MICAL3: variants seen among roughly 807,000 people sequenced by gnomAD.
MICAL3 encodes [F-actin]-monooxygenase MICAL3.
Under a neutral mutation model 207.4 loss-of-function variants are expected in MICAL3, and 62 were observed. The observed-to-expected ratio is 0.30, with a 90% confidence interval of 0.24 to 0.37. The LOEUF is 0.37. MICAL3 is among the 10% of genes least tolerant of loss of function. MICAL3 has a pLI of 1.00. For synonymous variants in MICAL3, 1,077 were observed against 1,069.3 expected, an observed-to-expected ratio of 1.01 and a Z score of -0.14; for missense variants, 2,368 against 2,635.6, an observed-to-expected ratio of 0.90 and a Z score of 2.22.
intron 1 of MICAL3, among the ~76,000 whole-genome samples, chr22:17,951,342 A>C (rs971871299): frequency 3.9e-5 from 6 of 152,158 alleles, no homozygotes; most frequent in African/African-American, 1.4e-4. Context: ...TACAAAATGC[A>C]AACTATGACC....
chr22:17,928,007 G>A (rs1190806037), intron 1 of MICAL3, among the ~76,000 whole-genome samples: 3 of 152,206 alleles, frequency 2.0e-5, no homozygotes, highest in Non-Finnish European at 4.4e-5. Flanking sequence ...GCTTCTGACT[G>A]TATACTCTGA....
At position 17,816,741 on chromosome 22, in the gene MICAL3, G is replaced by A; in HGVS notation, c.5394C>T (p.Asp1798=). ...TCTCAAGGACATCGTCGCTGGAGAGGTCTGAGTCCTCGGAGAAGCTCAGCT... is the reference window on the plus strand; with the variant it reads ...TCTCAAGGACATCGTCGCTGGAGAGATCTGAGTCCTCGGAGAAGCTCAGCT... ...RRQLSFSEDS[D]LSSDDVLEKS... Residue 1798 remains aspartate, a synonymous_variant, in exon 27 of 32, where the codon GAC becomes GAT. Coordinates refer to ENST00000441493, the MANE Select transcript of MICAL3 (RefSeq NM_015241.3). 3 of 1,552,312 alleles carry A rather than the reference G, an allele frequency of 1.9e-6. No homozygotes were observed. Among genetic ancestry groups the A allele is most frequent in the Non-Finnish European group, 2.6e-6 (3 of 1,147,702 alleles).
chr22:17,810,229 A>AT lies in MICAL3; in HGVS notation c.5556+473dup, dbSNP rs553172081. On this transcript the variant is annotated intron_variant, in intron 28 of 31. Coordinates refer to ENST00000441493, the MANE Select transcript of MICAL3 (RefSeq NM_015241.3). Reference sequence around the variant, plus strand: ...AGGCACTTGCCACCACGCCTGGCTAATTTTTTGTATTTTTAGTAGAGACGG... The same window carrying AT: ...AGGCACTTGCCACCACGCCTGGCTAATTTTTTTGTATTTTTAGTAGAGACGG... Among the ~76,000 whole-genome samples, 502 of 151,604 alleles carry AT rather than the reference A, an allele frequency of 3.3e-3. 1 individual carries two copies. Among genetic ancestry groups the AT allele is most frequent in the Admixed American group, 5.2e-3 (79 of 15,234 alleles).
At chr22:17,879,400 T>C in intron 16 of MICAL3, 4 of 1,612,096 alleles carry the variant, frequency 2.5e-6, no homozygotes, top group Non-Finnish European at 3.4e-6. Flanking sequence ...GATCCCTGTA[T>C]GTCTGTTGGC....
Position 17,887,358 on chromosome 22 carries a change from G to A in MICAL3, c.1969C>T (p.Leu657Phe), listed in dbSNP as rs562541924. 2.2e-5 allele frequency: 36 copies of A among 1,613,994 alleles called. No individual in the cohort carries two copies. In the South Asian group the frequency reaches 3.4e-4, roughly 15 times the overall value. ...CGCTTCCGAGAGATGGTCTGGCCAA[G>A]TTTGCTTAGGAAGGAGATAGGGGAT... ...TRSPISFLSK[L>F]GQTISRKRSP... is the part of the protein sequence containing the mutation. Residue 657 changes from leucine (L) to phenylalanine (F), a missense_variant, in exon 14 of 32, where the codon CTT (leucine) becomes TTT (phenylalanine). By Grantham distance (22) the Leu-to-Phe change is conservative. Around this residue, in one of 4 missense-constraint regions of MICAL3, gnomAD observed 1,770 missense variants for 1,863.2 expected, o/e 0.95. Transcript: ENST00000441493.
At chr22:17,946,670 A>G (rs1011254126) in intron 1 of MICAL3, among the ~76,000 whole-genome samples, 4 of 152,190 alleles carry the variant, frequency 2.6e-5, no homozygotes, top group African/African-American at 4.8e-5. Context: ...GATTGGGGAA[A>G]GTTCCTCTTA....
chr22:17,860,351 G>A (rs1020807288), intron 19 of MICAL3: 108 of 985,328 alleles, frequency 1.1e-4, no homozygotes, highest in Non-Finnish European at 1.3e-4. Context: ...GAAGTGGAGA[G>A]AAGGCGGGCA....
chr22:17,842,149 G>T, intron 19 of MICAL3, 132 bp from the exon 20 acceptor site: 2 of 832,312 alleles, frequency 2.4e-6, no homozygotes, highest in Non-Finnish European at 3.7e-6. Flanking sequence ...CATTTGCAGA[G>T]TTGCCAGAGG....
At chr22:17,893,567 G>A (rs1001418294) in intron 11 of MICAL3, among the ~76,000 whole-genome samples, 8 of 152,098 alleles carry the variant, frequency 5.3e-5, no homozygotes, top group South Asian at 2.1e-4. Flanking sequence ...GGCCTGTCTC[G>A]TGCACTGCGG....
At chr22:17,939,981 C>A (rs1192178324) in intron 1 of MICAL3, among the ~76,000 whole-genome samples, 1 of 152,164 alleles carries the variant, frequency 6.6e-6, no homozygotes, top group Non-Finnish European at 1.5e-5. Context: ...TACTAATAAT[C>A]CCCTAGAGTC....
chr22:17,989,267 T>C (rs372946756), intron 1 of MICAL3, among the ~76,000 whole-genome samples: 2 of 152,216 alleles, frequency 1.3e-5, no homozygotes, highest in South Asian at 2.1e-4. Flanking sequence ...TGCCGCTACC[T>C]TACCTTGCCC....
chr22:17,861,923 G>T (rs1926560390), intron 19 of MICAL3: 4 of 985,366 alleles, frequency 4.1e-6, no homozygotes, highest in Non-Finnish European at 4.8e-6. Context: ...TTGGGTGTGG[G>T]TGTGTTTTTT....
rs751829376 is a variant in MICAL3, at chr22:17,906,834, C to A, written c.-22G>T. On this transcript the variant is annotated 5_prime_UTR_variant, in exon 2 of 32. Coordinates refer to ENST00000441493, the MANE Select transcript of MICAL3 (RefSeq NM_015241.3). ...CCATGCTGCCTCACTCTCAGCACTC[C>A]CCAGAGGGGGAGGTGGGATGGCTGT... is the stretch of plus-strand genomic sequence containing the variant. The A allele has an allele frequency of 3.2e-6, 5 of 1,556,214 alleles. No homozygotes were observed. Among genetic ancestry groups the A allele is most frequent in the Non-Finnish European group, 4.3e-6 (5 of 1,150,426 alleles).
At position 17,790,321 on chromosome 22, in the gene MICAL3, C is replaced by T. The variant is rs778655015; in HGVS notation, c.*411G>A. The T allele has an allele frequency of 1.1e-5, 2 of 178,166 alleles. No homozygotes were observed. The highest frequency in any genetic ancestry group is 2.4e-5 in the Non-Finnish European group (2 of 84,120). The allele number at this position is 178,166 out of a possible 1,614,324, so 11.0% of individuals were successfully genotyped here. A position where few individuals can be genotyped will look rare whatever the true frequency, so the allele number is the denominator to read the frequency against. On this transcript the variant is annotated 3_prime_UTR_variant, in exon 32 of 32. Coordinates refer to ENST00000441493, the MANE Select transcript of MICAL3 (RefSeq NM_015241.3). ...TATTGTTTACGTTTCTTTGGTGGTGCTCCAGGGAGCATGAAGAAGACAGTG... is the reference window on the plus strand; with the variant it reads ...TATTGTTTACGTTTCTTTGGTGGTGTTCCAGGGAGCATGAAGAAGACAGTG...
chr22:17,855,252 C>T (rs1362149899), intron 19 of MICAL3, among the ~76,000 whole-genome samples: 1 of 152,186 alleles, frequency 6.6e-6, no homozygotes, highest in Non-Finnish European at 1.5e-5. Flanking sequence ...CCATATTCAG[C>T]ACAAAAAGAG....
At chr22:17,942,234 G>A (rs926425052) in intron 1 of MICAL3, among the ~76,000 whole-genome samples, 6 of 152,170 alleles carry the variant, frequency 3.9e-5, no homozygotes, top group East Asian at 3.8e-4. Context: ...CCAAGTGGGC[G>A]AAGGCAGTCC....
chr22:17,860,744 TGG>T (rs1926433973), intron 19 of MICAL3: 1 of 985,336 alleles, frequency 1.0e-6, no homozygotes, highest in Non-Finnish European at 1.2e-6. Context: ...GGCCCTTTCT[TGG>T]GGGTGTGCTG....
In MICAL3 at chr22:17,901,524, G is replaced by A. The variant is rs368355604; in HGVS notation, c.691+354C>T. Reference sequence around the variant, plus strand: ...ATCTCTACAAAAAATACAAAAATTAGCTGGGTATGGTGGCACGCGCCTGTA... The same window carrying A: ...ATCTCTACAAAAAATACAAAAATTAACTGGGTATGGTGGCACGCGCCTGTA... On this transcript the variant is annotated intron_variant, in intron 5 of 31. Coordinates refer to ENST00000441493, the MANE Select transcript of MICAL3 (RefSeq NM_015241.3). Among the ~76,000 whole-genome samples the A allele has an allele frequency of 2.0e-5, 3 of 152,270 alleles. No individual in the cohort carries two copies. In the East Asian group the frequency reaches 5.8e-4, roughly 29 times the overall value.
chr22:17,980,626 T>C (rs1239121634), intron 1 of MICAL3, among the ~76,000 whole-genome samples: 1 of 152,274 alleles, frequency 6.6e-6, no homozygotes, highest in East Asian at 1.9e-4. Context: ...TATAAGTATT[T>C]GTGGCAACGG....
Sources: allele counts gnomAD v4.1 joint callset (sites outside exome capture counted in the v4.1 genomes callset), GRCh38; gene constraint gnomAD v4.1.1; regional missense constraint gnomAD v4.1.1; transcripts MANE v1.5; gene names NCBI Gene and HGNC (gene_info 2026-07-23, HGNC 2026-07-21).